PIK3R1: variants seen among roughly 807,000 people sequenced by gnomAD.
PIK3R1 encodes the protein phosphatidylinositol 3-kinase regulatory subunit alpha.
Under a neutral mutation model 98.0 loss-of-function variants are expected in PIK3R1, and 29 were observed. The ratio of observed to expected loss-of-function variants is 0.30; its 90% confidence interval spans 0.22 to 0.40. The LOEUF (loss-of-function observed/expected upper bound fraction) is 0.40, where lower values mean the gene tolerates loss of function less well. Ranked by LOEUF, PIK3R1 falls within the 10% of genes least tolerant of loss-of-function variation. PIK3R1 has a pLI of 1.00. For missense variants in PIK3R1, 596 were observed against 872.7 expected, an observed-to-expected ratio of 0.68 and a Z score of 3.99; for synonymous variants, 282 against 311.8, an observed-to-expected ratio of 0.90 and a Z score of 1.01.
In PIK3R1 at chr5:68,281,020, A is replaced by G; in HGVS notation, c.916+14A>G. The G allele has an allele frequency of 6.5e-7, 1 of 1,546,744 alleles. No homozygotes were observed. Among genetic ancestry groups the G allele is most frequent in the Non-Finnish European group, 8.8e-7 (1 of 1,133,830 alleles). On this transcript the variant is annotated intron_variant, in intron 7 of 15. Coordinates refer to ENST00000521381, the MANE Select transcript of PIK3R1 (RefSeq NM_181523.3). ...AGCCTGCACCAGGTAATGCTTTTTG[A>G]GCATTTAACATTCTCTCATTGTTCA...
chr5:68,291,435 T>C (rs969219897), intron 7 of PIK3R1: 3 of 150,946 alleles, frequency 2.0e-5, no homozygotes, highest in Non-Finnish European at 4.5e-5. Flanking sequence ...TTAAAACTTA[T>C]GACAGAATTT....
At chr5:68,231,411 A>C (rs556399120) in intron 2 of PIK3R1, among the ~76,000 whole-genome samples, 2 of 152,220 alleles carry the variant, frequency 1.3e-5, no homozygotes, top group Non-Finnish European at 2.9e-5. Context: ...GCTTACGCTA[A>C]ATTTTGATCA....
intron 7 of PIK3R1, among the ~76,000 whole-genome samples, chr5:68,283,090 A>C (rs1746917220): frequency 6.6e-6 from 1 of 152,248 alleles, no homozygotes; most frequent in Non-Finnish European, 1.5e-5. Flanking sequence ...AAAAAATGCA[A>C]TAATTTCTTA....
chr5:68,292,699 T>G, intron 8 of PIK3R1: 1 of 1,273,836 alleles, frequency 7.9e-7, no homozygotes, highest in Non-Finnish European at 1.0e-6. Flanking sequence ...AACAATGCCA[T>G]TTTATGTTAG....
chr5:68,296,969 A>G (rs538895296), intron 15 of PIK3R1, among the ~76,000 whole-genome samples: 1 of 152,284 alleles, frequency 6.6e-6, no homozygotes, highest in South Asian at 2.1e-4. Flanking sequence ...AGAGATGGAG[A>G]GTTGTGCAGA....
rs138996835 is a variant in PIK3R1, at chr5:68,243,395, C to G, written c.334+16386C>G. On this transcript the variant is annotated intron_variant, in intron 2 of 15. Coordinates refer to ENST00000521381, the MANE Select transcript of PIK3R1 (RefSeq NM_181523.3). Reference sequence around the variant, plus strand: ...AAAAATATGTCCTCTCCTATGAACTCTAACTAGATGAGAGGATTTTCCTCA... The same window carrying G: ...AAAAATATGTCCTCTCCTATGAACTGTAACTAGATGAGAGGATTTTCCTCA... 3.6e-4 allele frequency among the ~76,000 whole-genome samples: 55 copies of G among 152,316 alleles called. No homozygotes were observed. The East Asian group carries it at 9.6e-3, about 27-fold the overall frequency.
rs559285651 is a variant in PIK3R1, at chr5:68,226,615, G to A, written c.-61G>A. The A allele has an allele frequency of 1.3e-4, 176 of 1,355,352 alleles. No homozygotes were observed. The African/African-American group carries it at 2.0e-3, about 16-fold the overall frequency. The allele number at this position is 1,355,352 out of a possible 1,614,324, so 84.0% of individuals were successfully genotyped here. A position where few individuals can be genotyped will look rare whatever the true frequency, so the allele number is the denominator to read the frequency against. Reference sequence around the variant, plus strand: ...CTCTGAATTCACTTTTCATAAAAACGTAAAATCAGACTGCTCTGTACAACC... The same window carrying A: ...CTCTGAATTCACTTTTCATAAAAACATAAAATCAGACTGCTCTGTACAACC... On this transcript the variant is annotated 5_prime_UTR_variant, in exon 2 of 16. Coordinates refer to ENST00000521381, the MANE Select transcript of PIK3R1 (RefSeq NM_181523.3).
At position 68,299,801 on chromosome 5, in the gene PIK3R1, T is replaced by A; in HGVS notation, c.*2200T>A. On this transcript the variant is annotated 3_prime_UTR_variant, in exon 16 of 16. Transcript: ENST00000521381. Reference sequence around the variant, plus strand: ...TGTCCTCTTTACATGAAACTACTCATACTTAAGCAAAAGTCAGTCTTATAG... The same window carrying A: ...TGTCCTCTTTACATGAAACTACTCAAACTTAAGCAAAAGTCAGTCTTATAG... The A allele has an allele frequency of 4.3e-6, 1 of 233,208 alleles. No homozygotes were observed. Among genetic ancestry groups the A allele is most frequent in the South Asian group, 1.8e-4 (1 of 5,530 alleles). The allele number at this position is 233,208 out of a possible 1,614,324, so 14.4% of individuals were successfully genotyped here.
chr5:68,216,679 G>A (rs1317676319), intron 1 of PIK3R1, among the ~76,000 whole-genome samples: 2 of 152,192 alleles, frequency 1.3e-5, no homozygotes, highest in Non-Finnish European at 2.9e-5. Context: ...GAGGCGGGAG[G>A]GACCTGCCCA....
chr5:68,272,875 A>T (rs1357626150), intron 2 of PIK3R1, among the ~76,000 whole-genome samples: 1 of 152,206 alleles, frequency 6.6e-6, no homozygotes, highest in Non-Finnish European at 1.5e-5. Flanking sequence ...CCTGTGCCTA[A>T]GTATTTTTGT....
chr5:68,245,924 A>G (rs1745067528), intron 2 of PIK3R1, among the ~76,000 whole-genome samples: 1 of 152,256 alleles, frequency 6.6e-6, no homozygotes, highest in Non-Finnish European at 1.5e-5. Context: ...GTTAGTAAGC[A>G]TGGACTGACC....
At chr5:68,234,300 G>T (rs1001031085) in intron 2 of PIK3R1, among the ~76,000 whole-genome samples, 1 of 152,134 alleles carries the variant, frequency 6.6e-6, no homozygotes, top group Non-Finnish European at 1.5e-5. Flanking sequence ...AGAAAAATTG[G>T]TTCTCACTAG....
intron 2 of PIK3R1, among the ~76,000 whole-genome samples, chr5:68,273,081 T>C (rs1454344605): frequency 6.6e-6 from 1 of 151,982 alleles, no homozygotes; most frequent in African/African-American, 2.4e-5. Context: ...CTCCCATCCA[T>C]CCTGCCACTC....
At position 68,222,850 on chromosome 5, in the gene PIK3R1, G is replaced by A. The variant is rs1744137556; in HGVS notation, c.-386-3440G>A. On this transcript the variant is annotated intron_variant, in intron 1 of 15. Coordinates refer to ENST00000521381, the MANE Select transcript of PIK3R1 (RefSeq NM_181523.3). Reference sequence around the variant, plus strand: ...TTGAGTTCAGGCAGTAGATGCTGGAGGTGTTAAAAATGGGACTTACAGAGC... The same window carrying A: ...TTGAGTTCAGGCAGTAGATGCTGGAAGTGTTAAAAATGGGACTTACAGAGC... Among the ~76,000 whole-genome samples, 3 of 152,206 alleles carry A rather than the reference G, an allele frequency of 2.0e-5. No homozygotes were observed. In the South Asian group the frequency reaches 6.2e-4, roughly 32 times the overall value.
At chr5:68,265,491 C>T (rs1746086673) in intron 2 of PIK3R1, among the ~76,000 whole-genome samples, 1 of 152,168 alleles carries the variant, frequency 6.6e-6, no homozygotes, top group Non-Finnish European at 1.5e-5. Flanking sequence ...TCTCCCTAGC[C>T]TCCAGGCTGC....
intron 1 of PIK3R1, among the ~76,000 whole-genome samples, chr5:68,220,478 G>C (rs10940157): frequency 6.6e-6 from 1 of 151,936 alleles, no homozygotes; most frequent in African/African-American, 2.4e-5. Flanking sequence ...CAGCCTCCGC[G>C]TAATGGCTAC....
chr5:68,272,239 C>T lies in PIK3R1; in HGVS notation c.335-1151C>T, dbSNP rs563969504. ...CTACACTCCAGCCTGGGTGACAGAG[C>T]GAGACCCTGTCTCAAAAAAAAAAAA... On this transcript the variant is annotated intron_variant, in intron 2 of 15. Transcript: ENST00000521381. Among the ~76,000 whole-genome samples the T allele has an allele frequency of 1.1e-3, 150 of 132,956 alleles. 1 individual carries two copies. Among genetic ancestry groups the T allele is most frequent in the Non-Finnish European group, 1.8e-3 (117 of 65,238 alleles). 87.2% of individuals were successfully genotyped at this position (132,956 alleles called of 152,430 possible). A position where few individuals can be genotyped will look rare whatever the true frequency, so the allele number is the denominator to read the frequency against.
chr5:68,216,310 GT>G, intron 1 of PIK3R1, among the ~76,000 whole-genome samples: 1 of 152,234 alleles, frequency 6.6e-6, no homozygotes, highest in Non-Finnish European at 1.5e-5. Flanking sequence ...GGTCCCCGCT[GT>G]CGCCTTGCTG....
chr5:68,292,417 A>C lies in PIK3R1; in HGVS notation c.1019+56A>C, dbSNP rs904745937. On this transcript the variant is annotated intron_variant, in intron 8 of 15. Coordinates refer to ENST00000521381, the MANE Select transcript of PIK3R1 (RefSeq NM_181523.3). ...GTTTTAGATTAAAAGAAAGAAAAGCACCAGCTTGCTAAGTTCCATTTTTAG... is the reference window on the plus strand; with the variant it reads ...GTTTTAGATTAAAAGAAAGAAAAGCCCCAGCTTGCTAAGTTCCATTTTTAG... 8 of 1,498,150 alleles carry C rather than the reference A, an allele frequency of 5.3e-6. No homozygotes were observed. In the African/African-American group the frequency reaches 1.1e-4, roughly 21 times the overall value. The allele number at this position is 1,498,150 out of a possible 1,614,324, so 92.8% of individuals were successfully genotyped here.
Sources: allele counts gnomAD v4.1 joint callset (sites outside exome capture counted in the v4.1 genomes callset), GRCh38; gene constraint gnomAD v4.1.1; transcripts MANE v1.5; gene names NCBI Gene and HGNC (gene_info 2026-07-23, HGNC 2026-07-21).